BABAM2: variants seen among roughly 807,000 people sequenced by gnomAD.
BABAM2 encodes BRISC and BRCA1 A complex member 2.
In BABAM2, 31 loss-of-function variants were observed where a neutral mutation model predicts 54.7. That is an observed-to-expected ratio of 0.57 (90% CI 0.43 to 0.77). The LOEUF is 0.77. Ranked by LOEUF, BABAM2 falls within the 30% of genes least tolerant of loss-of-function variation. BABAM2 has a pLI of 0.00. For missense variants in BABAM2, 364 were observed against 455.8 expected, an observed-to-expected ratio of 0.80 and a Z score of 1.83; for synonymous variants, 167 against 162.9, an observed-to-expected ratio of 1.03 and a Z score of -0.19.
At chr2:28,108,070 T>G (rs190500451) in intron 6 of BABAM2, among the ~76,000 whole-genome samples, 6 of 152,324 alleles carry the variant, frequency 3.9e-5, no homozygotes, top group Non-Finnish European at 8.8e-5. Flanking sequence ...TTCCGTTTTT[T>G]TTTTAAACAT....
At chr2:28,276,210 C>G (rs942003330) in intron 10 of BABAM2, among the ~76,000 whole-genome samples, 2 of 151,986 alleles carry the variant, frequency 1.3e-5, no homozygotes, top group Admixed American at 1.3e-4. Context: ...AAGGCTAGAT[C>G]GCTCATTATA....
upstream of BABAM2, among the ~76,000 whole-genome samples, chr2:27,889,430 G>A (rs1171819378): frequency 6.6e-6 from 1 of 152,126 alleles, no homozygotes; most frequent in African/African-American, 2.4e-5. Context: ...AGACTGAACT[G>A]CAGTAATTGG....
At chr2:28,278,310 A>T (rs1255568742) in intron 10 of BABAM2, among the ~76,000 whole-genome samples, 1 of 152,178 alleles carries the variant, frequency 6.6e-6, no homozygotes, top group Admixed American at 6.6e-5. Context: ...GGGGTTTGAT[A>T]AACCACTTGG....
At chr2:28,118,066 C>T (rs959117590) in intron 6 of BABAM2, among the ~76,000 whole-genome samples, 4 of 152,286 alleles carry the variant, frequency 2.6e-5, no homozygotes, top group African/African-American at 9.6e-5. Context: ...AAGTCTGGCA[C>T]AAGGTTTTTA....
intron 3 of BABAM2, among the ~76,000 whole-genome samples, chr2:27,983,421 A>G (rs1191177144): frequency 6.6e-6 from 1 of 152,074 alleles, no homozygotes; most frequent in Non-Finnish European, 1.5e-5. Flanking sequence ...TTATTTTTAA[A>G]TATTTCTTTG....
At chr2:28,234,641 G>T (rs555417964) in intron 7 of BABAM2, among the ~76,000 whole-genome samples, 5 of 152,304 alleles carry the variant, frequency 3.3e-5, no homozygotes, top group Admixed American at 3.3e-4. Flanking sequence ...CTCTAAGTGA[G>T]CGATGAGTAG....
intron 6 of BABAM2, among the ~76,000 whole-genome samples, chr2:28,049,923 C>G (rs1171466602): frequency 6.6e-6 from 1 of 152,224 alleles, no homozygotes; most frequent in African/African-American, 2.4e-5. Flanking sequence ...AGCCGGCTAC[C>G]TACTTATAGT....
chr2:27,918,787 C>T (rs1667159882), intron 2 of BABAM2, among the ~76,000 whole-genome samples: 1 of 152,082 alleles, frequency 6.6e-6, no homozygotes, highest in Non-Finnish European at 1.5e-5. Context: ...CTCCCTGGCT[C>T]AGGCGATCCT....
At chr2:28,140,658 C>T (rs1388030479) in intron 7 of BABAM2, among the ~76,000 whole-genome samples, 1 of 151,820 alleles carries the variant, frequency 6.6e-6, no homozygotes, top group African/African-American at 2.4e-5. Flanking sequence ...TTAATCACAA[C>T]AGTATAAGTA....
rs144731859 is a variant in BABAM2 at position 27,909,300 on chromosome 2, C to T, written c.128+14616C>T. ...GCTCAAGCAGTCCTCCCACTTTGGC[C>T]TCTTAAAGTGCTGGGATTACAGGCT... is the stretch of plus-strand genomic sequence containing the variant. On this transcript the variant is annotated intron_variant, in intron 2 of 11. Coordinates refer to ENST00000379624, the MANE Select transcript of BABAM2 (RefSeq NM_199191.3). 2.5e-3 allele frequency among the ~76,000 whole-genome samples: 385 copies of T among 152,258 alleles called. 2 individuals are homozygous for T. The highest frequency in any genetic ancestry group is 4.3e-3 in the Non-Finnish European group (291 of 68,012).
intron 6 of BABAM2, among the ~76,000 whole-genome samples, chr2:28,077,727 A>G (rs942731624): frequency 1.3e-5 from 2 of 152,156 alleles, no homozygotes; most frequent in Non-Finnish European, 2.9e-5. Context: ...TCCACCCCAA[A>G]GAAAATTCTC....
chr2:28,076,548 T>A (rs1291461538), intron 6 of BABAM2, among the ~76,000 whole-genome samples: 1 of 151,978 alleles, frequency 6.6e-6, no homozygotes, highest in East Asian at 1.9e-4. Context: ...CAGGCTGGAG[T>A]GCAGTGGTGC....
At chr2:27,964,845 A>G (rs2148438189) in intron 3 of BABAM2, among the ~76,000 whole-genome samples, 1 of 152,316 alleles carries the variant, frequency 6.6e-6, no homozygotes, top group Admixed American at 6.5e-5. Flanking sequence ...CTGTTCTTCT[A>G]GAAAATAAAA....
At chr2:28,275,454 T>C (rs6547838) in intron 10 of BABAM2, among the ~76,000 whole-genome samples, 23,774 of 152,096 alleles carry the variant, frequency 0.16, 2,335 homozygotes, top group African/African-American at 0.28. Context: ...CTAACTGGGA[T>C]AGGCCTGGGG....
At chr2:28,255,382 T>G (rs1479583475) in intron 10 of BABAM2, among the ~76,000 whole-genome samples, 2 of 152,156 alleles carry the variant, frequency 1.3e-5, no homozygotes, top group Non-Finnish European at 2.9e-5. Context: ...CAAGCGATTC[T>G]CCTGACTCAG....
intron 2 of BABAM2, among the ~76,000 whole-genome samples, chr2:27,914,067 T>A (rs1351025691): frequency 6.6e-6 from 1 of 152,088 alleles, no homozygotes; most frequent in Non-Finnish European, 1.5e-5. Context: ...TATTAAAGTA[T>A]AACATTGTTT....
At chr2:28,276,423 A>G (rs1345901167) in intron 10 of BABAM2, among the ~76,000 whole-genome samples, 2 of 152,136 alleles carry the variant, frequency 1.3e-5, no homozygotes. Flanking sequence ...GTAGTGAGGA[A>G]ATTACATACT....
intron 6 of BABAM2, among the ~76,000 whole-genome samples, chr2:28,051,208 A>T (rs1337625964): frequency 1.3e-5 from 2 of 152,148 alleles, no homozygotes; most frequent in Non-Finnish European, 2.9e-5. Context: ...TGTTTTACAC[A>T]GCTTCCCAAA....
At chr2:27,900,550 C>A (rs1023298583) in intron 2 of BABAM2, among the ~76,000 whole-genome samples, 5 of 152,054 alleles carry the variant, frequency 3.3e-5, no homozygotes, top group Admixed American at 6.5e-5. Flanking sequence ...TCGTACTTTT[C>A]ACATGTAATG....
Sources: allele counts gnomAD v4.1 joint callset (sites outside exome capture counted in the v4.1 genomes callset), GRCh38; gene constraint gnomAD v4.1.1; transcripts MANE v1.5; gene names NCBI Gene and HGNC (gene_info 2026-07-23, HGNC 2026-07-21).